The following ELAPOR1 variants were observed in gnomAD, a reference collection of about 807,000 sequenced individuals.
ELAPOR1 encodes the protein endosome/lysosome-associated apoptosis and autophagy regulator 1.
ELAPOR1 carries 77 observed loss-of-function variants against 119.7 expected under a neutral mutation model. The ratio of observed to expected loss-of-function variants is 0.64; its 90% CI spans 0.54 to 0.78. The LOEUF is 0.78. Among genes scored for constraint, ELAPOR1 ranks in the 30% least tolerant of loss-of-function variants. The probability of loss-of-function intolerance (pLI) is 0.00; values close to 1 mark genes in which losing one functional copy is unlikely to be tolerated. For missense variants in ELAPOR1, 1,115 were observed against 1,270.4 expected (o/e 0.88, Z 1.86); for synonymous variants, 481 against 487.2 (o/e 0.99, Z 0.17).
chr1:109,149,968 C>T (rs973637366), intron 1 of ELAPOR1, among the ~76,000 whole-genome samples: 39 of 152,218 alleles, frequency 2.6e-4, no homozygotes, highest in African/African-American at 8.9e-4. Flanking sequence ...GGCCCCGAGC[C>T]TGGCACATGG....
chr1:109,185,214 C>T (rs1227950152), intron 8 of ELAPOR1, 81 bp downstream of exon 8: 7 of 1,079,958 alleles, frequency 6.5e-6, no homozygotes, highest in Non-Finnish European at 8.6e-6. Flanking sequence ...TTTGGAACTT[C>T]AGCAGTCAAT....
chr1:109,132,367 C>T (rs531489699), intron 1 of ELAPOR1, among the ~76,000 whole-genome samples: 1 of 152,076 alleles, frequency 6.6e-6, no homozygotes, highest in Non-Finnish European at 1.5e-5. Flanking sequence ...AGGCTGGTCT[C>T]GAAATCCTGA....
chr1:109,193,001 T>G, intron 14 of ELAPOR1, 127 bp downstream of exon 14: 2 of 1,012,642 alleles, frequency 2.0e-6, no homozygotes, highest in Non-Finnish European at 2.9e-6. Flanking sequence ...ACTCCTAGGT[T>G]GGAGTCCTGG....
At chr1:109,142,085 A>T (rs543270) in intron 1 of ELAPOR1, among the ~76,000 whole-genome samples, 1 of 151,896 alleles carries the variant, frequency 6.6e-6, no homozygotes, top group Non-Finnish European at 1.5e-5. Context: ...GGAGCTCAAG[A>T]GTAAGCTCAA....
At chr1:109,198,157 C>T (rs1653946239) in intron 17 of ELAPOR1, 82 bp downstream of exon 17, 3 of 1,075,058 alleles carry the variant, frequency 2.8e-6, no homozygotes, top group Non-Finnish European at 1.4e-6. Flanking sequence ...TCTCTAGCCA[C>T]CTACTGCTTA....
At chr1:109,144,059 ATATTT>A (rs1315896678) in intron 1 of ELAPOR1, among the ~76,000 whole-genome samples, 1 of 34,406 alleles carries the variant, frequency 2.9e-5, no homozygotes, top group African/African-American at 7.7e-5. Context: ...ATATATTTAT[ATATTT>A]TTTTTTTTTT....
chr1:109,167,307 G>T (rs1043693778), intron 3 of ELAPOR1, among the ~76,000 whole-genome samples: 1 of 151,976 alleles, frequency 6.6e-6, no homozygotes, highest in Non-Finnish European at 1.5e-5. Flanking sequence ...TGTTTCCACC[G>T]CACGGACTAT....
At chr1:109,118,900 C>CTT (rs777752743) in intron 1 of ELAPOR1, among the ~76,000 whole-genome samples, 4 of 128,208 alleles carry the variant, frequency 3.1e-5, no homozygotes, top group African/African-American at 6.4e-5. Context: ...TTTGGTTCTT[C>CTT]TTTTTTTTTT....
At position 109,201,299 on chromosome 1, in the gene ELAPOR1, TG is replaced by T. The variant is rs573765055; in HGVS notation, c.2973+405del. ...AGAAGTCAGGCTCTCCTTTGACCAGTGGGGGGTGCTGTCTTCCAGGTGTCTG... is the reference window on the plus strand; with the variant it reads ...AGAAGTCAGGCTCTCCTTTGACCAGTGGGGGTGCTGTCTTCCAGGTGTCTG... On this transcript the variant is annotated intron_variant, in intron 21 of 21. Coordinates refer to ENST00000369939, the MANE Select transcript of ELAPOR1 (RefSeq NM_020775.5). 135 of 457,476 alleles carry T rather than the reference TG, an allele frequency of 3.0e-4. No homozygotes were observed. The East Asian group carries it at 8.2e-3, about 28-fold the overall frequency. The allele number at this position is 457,476 out of a possible 1,614,324, so 28.3% of individuals were successfully genotyped here. A position where few individuals can be genotyped will look rare whatever the true frequency, so the allele number is the denominator to read the frequency against.
At chr1:109,126,714 G>T (rs1026426716) in intron 1 of ELAPOR1, among the ~76,000 whole-genome samples, 1 of 152,100 alleles carries the variant, frequency 6.6e-6, no homozygotes, top group African/African-American at 2.4e-5. Flanking sequence ...CAAGTGATCC[G>T]CCTGCATTGG....
intron 8 of ELAPOR1, chr1:109,186,510 G>C: frequency 1.0e-6 from 1 of 985,340 alleles, no homozygotes; most frequent in African/African-American, 1.7e-5. Context: ...TGAATATTTT[G>C]CACAGTCATC....
intron 8 of ELAPOR1, 128 bp from the exon 9 acceptor site, chr1:109,188,049 C>A: frequency 7.0e-7 from 1 of 1,436,432 alleles, no homozygotes; most frequent in East Asian, 2.5e-5. Context: ...ACAAAGTTCC[C>A]CACCCCAGAG....
chr1:109,200,692 C>T, intron 20 of ELAPOR1, 43 bp from the exon 21 acceptor site: 1 of 1,592,784 alleles, frequency 6.3e-7, no homozygotes. Flanking sequence ...CCCCTTATTC[C>T]CACATTTTGG....
At chr1:109,144,668 G>C (rs1444815947) in intron 1 of ELAPOR1, among the ~76,000 whole-genome samples, 1 of 152,062 alleles carries the variant, frequency 6.6e-6, no homozygotes, top group Non-Finnish European at 1.5e-5. Flanking sequence ...CTTGAACCTG[G>C]GAGACGGAGG....
At chr1:109,185,803 G>A (rs1348633550) in intron 8 of ELAPOR1, among the ~76,000 whole-genome samples, 2 of 152,108 alleles carry the variant, frequency 1.3e-5, no homozygotes, top group Non-Finnish European at 2.9e-5. Flanking sequence ...AGGGAACTGG[G>A]GGAGCCCAGA....
intron 21 of ELAPOR1, 31 bp downstream of exon 21, chr1:109,200,931 G>A: frequency 1.2e-6 from 2 of 1,601,126 alleles, no homozygotes; most frequent in South Asian, 1.1e-5. Flanking sequence ...ACTGAGGTCA[G>A]CCTGGAGGGC....
Position 109,194,509 on chromosome 1 carries a change from C to T in ELAPOR1, c.2036C>T (p.Thr679Ile). 6.2e-7 allele frequency: 1 copy of T among 1,613,894 alleles called. No homozygotes were observed. The highest frequency in any genetic ancestry group is 8.5e-7 in the Non-Finnish European group (1 of 1,179,714). ...FNYNFSALAN[T>I]VTLAGGPSFT... is the part of the protein sequence containing the mutation. Reference sequence around the variant, plus strand: ...TACAACTTCTCCGCTTTGGCAAACACTGTCACTCTTGCTGGAGGGCCAAGC... The same window carrying T: ...TACAACTTCTCCGCTTTGGCAAACATTGTCACTCTTGCTGGAGGGCCAAGC... The change falls in exon 15 of 22, where the codon ACT becomes ATT. Residue 679 changes from threonine (T) to isoleucine (I), a missense_variant. By Grantham distance (89) the Thr-to-Ile change is moderately conservative (BLOSUM62 -1). Transcript: ENST00000369939.
At chr1:109,140,496 C>T (rs1435801577) in intron 1 of ELAPOR1, among the ~76,000 whole-genome samples, 1 of 152,208 alleles carries the variant, frequency 6.6e-6, no homozygotes, top group Non-Finnish European at 1.5e-5. Flanking sequence ...GTATAGATCA[C>T]TCTGGCTATA....
intron 16 of ELAPOR1, 32 bp downstream of exon 16, chr1:109,197,686 AGAGT>A (rs1653907281): frequency 5.8e-6 from 9 of 1,542,280 alleles, no homozygotes; most frequent in African/African-American, 4.8e-5. Flanking sequence ...GCCTTGTTTG[AGAGT>A]GTGTGTGTGT....
Sources: gnomAD v4.1 joint callset for allele counts (sites outside exome capture counted in the v4.1 genomes callset) on GRCh38, gnomAD v4.1.1 for gene constraint, MANE v1.5 for transcripts, NCBI Gene and HGNC (gene_info 2026-07-23, HGNC 2026-07-21) for gene names.